The following CDK14 variants were observed in gnomAD, a reference collection of about 807,000 sequenced individuals.
CDK14 encodes cyclin dependent kinase 14, also known as cyclin-dependent kinase 14.
A neutral mutation model predicts 60.7 loss-of-function variants in CDK14; 34 were observed. The observed-to-expected ratio is 0.56, with a 90% CI of 0.43 to 0.75. CDK14 has a LOEUF of 0.75. CDK14 is among the 30% of genes least tolerant of loss of function. The pLI is 0.00. For synonymous variants in CDK14, 197 were observed against 203.7 expected (o/e 0.97, Z 0.28); for missense variants, 482 against 564.1 (o/e 0.85, Z 1.47).
At chr7:91,066,587 G>T (rs575607927) in intron 11 of CDK14, among the ~76,000 whole-genome samples, 1 of 152,098 alleles carries the variant, frequency 6.6e-6, no homozygotes, top group Non-Finnish European at 1.5e-5. Context: ...ATGCTTATAT[G>T]CAAATGAGTA....
intron 9 of CDK14, among the ~76,000 whole-genome samples, chr7:90,976,957 T>C (rs1795090181): frequency 1.3e-5 from 2 of 152,144 alleles, no homozygotes; most frequent in South Asian, 4.1e-4. Flanking sequence ...TTTGATATAA[T>C]CCCATTTGTT....
At chr7:90,961,011 C>T (rs1006693187) in intron 9 of CDK14, among the ~76,000 whole-genome samples, 1 of 151,856 alleles carries the variant, frequency 6.6e-6, no homozygotes, top group Non-Finnish European at 1.5e-5. Context: ...AAAACCAAAC[C>T]CAGAGATACT....
intron 2 of CDK14, chr7:90,632,406 A>G (rs900390782): frequency 3.4e-5 from 9 of 264,684 alleles, no homozygotes; most frequent in Admixed American, 2.2e-4. Flanking sequence ...TTTTTGGAGT[A>G]AAGTGATTGG....
chr7:90,782,995 A>G (rs1283877543), intron 4 of CDK14, among the ~76,000 whole-genome samples: 2 of 152,264 alleles, frequency 1.3e-5, no homozygotes, highest in East Asian at 1.9e-4. Context: ...TTGCAAGATG[A>G]TAAGACCCTA....
At chr7:90,948,896 C>T (rs1794174306) in intron 8 of CDK14, among the ~76,000 whole-genome samples, 1 of 152,064 alleles carries the variant, frequency 6.6e-6, no homozygotes, top group African/African-American at 2.4e-5. Flanking sequence ...TTCCAATATG[C>T]ATGCTAATGC....
chr7:90,671,614 A>G (rs1393336380), intron 2 of CDK14, among the ~76,000 whole-genome samples: 1 of 151,988 alleles, frequency 6.6e-6, no homozygotes, highest in East Asian at 1.9e-4. Context: ...TTTATCTTGT[A>G]TGTTACTTGG....
chr7:90,918,192 G>C (rs889588524), intron 8 of CDK14, among the ~76,000 whole-genome samples: 3 of 152,156 alleles, frequency 2.0e-5, no homozygotes, highest in Non-Finnish European at 4.4e-5. Flanking sequence ...CCTTTTCAGA[G>C]GGTTGCAGGA....
In CDK14 at chr7:90,721,126, C is replaced by T. The variant is rs141550378; in HGVS notation, c.124-5441C>T. Among the ~76,000 whole-genome samples, 4 of 152,292 alleles carry T rather than the reference C, an allele frequency of 2.6e-5. No individual in the cohort carries two copies. The East Asian group carries it at 7.7e-4, about 29-fold the overall frequency. On this transcript the variant is annotated intron_variant, in intron 2 of 14. Coordinates refer to ENST00000380050, the MANE Select transcript of CDK14 (RefSeq NM_001287135.2). Reference sequence around the variant, plus strand: ...ACATCACCTGCCCTTTAGCCTGTTGCATTACATCCACCCACCTGGTCTGCT... The same window carrying T: ...ACATCACCTGCCCTTTAGCCTGTTGTATTACATCCACCCACCTGGTCTGCT...
chr7:90,865,196 A>G (rs1177492357), intron 6 of CDK14, among the ~76,000 whole-genome samples: 1 of 151,952 alleles, frequency 6.6e-6, no homozygotes, highest in Non-Finnish European at 1.5e-5. Flanking sequence ...TTTTAGTAAA[A>G]GATGTTTAGT....
At chr7:90,989,370 C>G (rs1461121855) in intron 10 of CDK14, among the ~76,000 whole-genome samples, 1 of 152,100 alleles carries the variant, frequency 6.6e-6, no homozygotes, top group East Asian at 1.9e-4. Context: ...ATTACCATTA[C>G]TGGATTTGCT....
chr7:91,093,269 G>A (rs544289107), intron 12 of CDK14, among the ~76,000 whole-genome samples: 15 of 152,148 alleles, frequency 9.9e-5, no homozygotes, highest in Non-Finnish European at 1.6e-4. Flanking sequence ...GCACTGTTGC[G>A]TTGATCAATC....
chr7:90,668,696 A>ATTATTTTTTTTTTTTTTTTTTTTTTTTTT (rs1554431005), intron 2 of CDK14, among the ~76,000 whole-genome samples: 5 of 68,434 alleles, frequency 7.3e-5, no homozygotes, highest in African/African-American at 1.2e-4. Context: ...AAGGACTCGC[A>ATTATTTTTTTTTTTTTTTTTTTTTTTTTT]TTCTTTTTTT....
intron 2 of CDK14, among the ~76,000 whole-genome samples, chr7:90,652,898 C>T (rs775063713): frequency 4.6e-5 from 7 of 152,188 alleles, no homozygotes; most frequent in Non-Finnish European, 8.8e-5. Flanking sequence ...AGGTTGCATA[C>T]AGCTGTGTCT....
chr7:90,781,903 C>CT (rs1390662482), intron 4 of CDK14, among the ~76,000 whole-genome samples: 1 of 152,082 alleles, frequency 6.6e-6, no homozygotes, highest in African/African-American at 2.4e-5. Flanking sequence ...GATGCGGGCT[C>CT]TTTTTTGGTT....
At chr7:91,060,032 G>T (rs1328966384) in intron 11 of CDK14, among the ~76,000 whole-genome samples, 1 of 151,918 alleles carries the variant, frequency 6.6e-6, no homozygotes, top group Non-Finnish European at 1.5e-5. Flanking sequence ...ATTATTGTGT[G>T]GGAGTCTAAG....
At chr7:90,809,395 C>T (rs994774049) in intron 5 of CDK14, among the ~76,000 whole-genome samples, 2 of 152,008 alleles carry the variant, frequency 1.3e-5, no homozygotes, top group African/African-American at 2.4e-5. Flanking sequence ...AAAATGAAGG[C>T]AGAAATAAAG....
intron 5 of CDK14, among the ~76,000 whole-genome samples, chr7:90,813,333 C>G (rs1221068947): frequency 6.6e-6 from 1 of 151,902 alleles, no homozygotes; most frequent in Non-Finnish European, 1.5e-5. Flanking sequence ...TGTGTCAGTT[C>G]TGGATTGTGC....
intron 12 of CDK14, among the ~76,000 whole-genome samples, chr7:91,105,871 G>A (rs1013770194): frequency 6.6e-6 from 1 of 152,066 alleles, no homozygotes; most frequent in African/African-American, 2.4e-5. Flanking sequence ...TCAAAGAATT[G>A]AAAAGACCTT....
intron 14 of CDK14, among the ~76,000 whole-genome samples, chr7:91,155,526 T>G (rs1446636411): frequency 1.3e-5 from 2 of 152,204 alleles, no homozygotes; most frequent in African/African-American, 4.8e-5. Flanking sequence ...ATTAGCCACA[T>G]TTTAAGAAAA....
Sources: allele counts gnomAD v4.1 joint callset (sites outside exome capture counted in the v4.1 genomes callset), GRCh38; gene constraint gnomAD v4.1.1; transcripts MANE v1.5; gene names NCBI Gene and HGNC (gene_info 2026-07-23, HGNC 2026-07-21).